SGCZ: variants seen among roughly 807,000 people sequenced by gnomAD.
The protein encoded by SGCZ is sarcoglycan zeta.
In SGCZ, 40 loss-of-function variants were observed where a neutral mutation model predicts 41.3. The ratio of observed to expected loss-of-function variants is 0.97; its 90% CI spans 0.75 to 1.26. SGCZ has a LOEUF of 1.26. SGCZ is among the 50% of genes most tolerant of loss of function. The pLI, the probability that SGCZ is intolerant of heterozygous loss-of-function variation, is 0.00. For missense variants in SGCZ, 552 were observed against 369.8 expected (o/e 1.49, Z -4.04); for synonymous variants, 206 against 137.5 (o/e 1.50, Z -3.49).
intron 1 of SGCZ, among the ~76,000 whole-genome samples, chr8:14,760,273 G>C (rs1162968528): frequency 6.6e-6 from 1 of 152,126 alleles, no homozygotes; most frequent in Non-Finnish European, 1.5e-5. Context: ...CTAAGTAAAT[G>C]AAGAAGAAAA....
rs1456936776 is a variant in SGCZ at position 15,199,325 on chromosome 8, G to A, written c.39+38260C>T. On this transcript the variant is annotated intron_variant, in intron 1 of 7. Coordinates refer to ENST00000382080, the MANE Select transcript of SGCZ (RefSeq NM_139167.4). ...AGCAAAAATCTGAAGCTCACTTTCA[G>A]TCTAGACCATAGAAGCAATTCCCTC... 2.0e-5 allele frequency among the ~76,000 whole-genome samples: 3 copies of A among 152,180 alleles called. No homozygotes were observed. The East Asian group carries it at 5.8e-4, about 29-fold the overall frequency.
At chr8:14,098,446 C>G (rs1205070903) in intron 7 of SGCZ, among the ~76,000 whole-genome samples, 1 of 152,106 alleles carries the variant, frequency 6.6e-6, no homozygotes, top group African/African-American at 2.4e-5. Context: ...GCTCTCTTCT[C>G]CCCAGGGAAT....
At chr8:14,933,075 G>A (rs951647840) in intron 1 of SGCZ, among the ~76,000 whole-genome samples, 2 of 151,872 alleles carry the variant, frequency 1.3e-5, no homozygotes, top group African/African-American at 2.4e-5. Context: ...AGGGGGATGA[G>A]GGCTGAAAAA....
At chr8:15,099,957 C>CA (rs60290285) in intron 1 of SGCZ, among the ~76,000 whole-genome samples, 5 of 151,678 alleles carry the variant, frequency 3.3e-5, no homozygotes, top group African/African-American at 1.2e-4. Flanking sequence ...ACTTCCCTGA[C>CA]AAAAAAAAAA....
At chr8:14,587,408 A>G (rs1585102992) in intron 1 of SGCZ, among the ~76,000 whole-genome samples, 1 of 151,550 alleles carries the variant, frequency 6.6e-6, no homozygotes, top group African/African-American at 2.4e-5. Context: ...GTTGTGGCTC[A>G]CAGATGTAAT....
At chr8:14,547,388 G>A (rs1428446814) in intron 2 of SGCZ, among the ~76,000 whole-genome samples, 1 of 152,106 alleles carries the variant, frequency 6.6e-6, no homozygotes, top group Non-Finnish European at 1.5e-5. Context: ...AATGATGGTT[G>A]ACAGCTAAAC....
At chr8:14,428,117 CACACACACACACACACAT>C (rs1391108904) in intron 2 of SGCZ, among the ~76,000 whole-genome samples, 15 of 116,770 alleles carry the variant, frequency 1.3e-4, no homozygotes, top group African/African-American at 3.6e-4. Flanking sequence ...CACACACACA[CACACACACACACACACAT>C]ATATATATAT....
At chr8:14,474,846 G>A (rs558766408) in intron 2 of SGCZ, among the ~76,000 whole-genome samples, 4 of 152,222 alleles carry the variant, frequency 2.6e-5, no homozygotes, top group Non-Finnish European at 5.9e-5. Context: ...GTCACAGACA[G>A]CTTTAATCTT....
intron 1 of SGCZ, among the ~76,000 whole-genome samples, chr8:14,650,464 C>T (rs1413406059): frequency 6.8e-6 from 1 of 147,860 alleles, no homozygotes; most frequent in African/African-American, 2.4e-5. Context: ...ACTAAGCCTA[C>T]TGCCCAACGG....
chr8:14,679,629 G>C (rs1165376153), intron 1 of SGCZ, among the ~76,000 whole-genome samples: 1 of 151,674 alleles, frequency 6.6e-6, no homozygotes, highest in African/African-American at 2.4e-5. Context: ...GAAATATAAA[G>C]ATTTATAAAT....
At chr8:14,214,899 G>T (rs1283291405) in intron 4 of SGCZ, among the ~76,000 whole-genome samples, 1 of 152,078 alleles carries the variant, frequency 6.6e-6, no homozygotes, top group African/African-American at 2.4e-5. Context: ...AGAAAAAATG[G>T]ATAAATCCAC....
intron 1 of SGCZ, among the ~76,000 whole-genome samples, chr8:14,571,198 C>T (rs934064182): frequency 6.6e-6 from 1 of 152,066 alleles, no homozygotes; most frequent in Non-Finnish European, 1.5e-5. Flanking sequence ...GGGAAACCGC[C>T]ACTTACAGAA....
chr8:15,046,788 A>G lies in SGCZ; in HGVS notation c.39+190797T>C, dbSNP rs200798004. Among the ~76,000 whole-genome samples, 5 of 152,042 alleles carry G rather than the reference A, an allele frequency of 3.3e-5. No individual in the cohort carries two copies. The East Asian group carries it at 9.6e-4, about 29-fold the overall frequency. ...AGATATACAAATGTCTGATGCTAAT[A>G]CTGCCAAAACCAATCTGACGTTATA... is the stretch of plus-strand genomic sequence containing the variant. On this transcript the variant is annotated intron_variant, in intron 1 of 7. Coordinates refer to ENST00000382080, the MANE Select transcript of SGCZ (RefSeq NM_139167.4).
chr8:14,528,063 T>G (rs1314091685), intron 2 of SGCZ, among the ~76,000 whole-genome samples: 3 of 152,090 alleles, frequency 2.0e-5, no homozygotes, highest in African/African-American at 4.8e-5. Flanking sequence ...TCTAATTTCT[T>G]AGTCTCAGCA....
intron 1 of SGCZ, among the ~76,000 whole-genome samples, chr8:14,573,187 G>GTT (rs1804607054): frequency 8.1e-6 from 1 of 123,318 alleles, no homozygotes; most frequent in African/African-American, 3.1e-5. Context: ...TTCTTAGCAA[G>GTT]TCTTTTTTTT....
intron 1 of SGCZ, among the ~76,000 whole-genome samples, chr8:15,006,208 A>C (rs1168255697): frequency 6.6e-6 from 1 of 152,212 alleles, no homozygotes; most frequent in Non-Finnish European, 1.5e-5. Flanking sequence ...TAAAAATAGC[A>C]CTAGACATAC....
intron 1 of SGCZ, among the ~76,000 whole-genome samples, chr8:15,106,714 T>G (rs1390983597): frequency 6.6e-6 from 1 of 152,114 alleles, no homozygotes; most frequent in Non-Finnish European, 1.5e-5. Context: ...AATTCTTAGT[T>G]TGTAATACTT....
In SGCZ at chr8:15,047,797, C is replaced by T. The variant is rs564937852; in HGVS notation, c.39+189788G>A. ...AATTATATAACTTTTATCATCGTAC[C>T]GCAGTTAAAGTGGCTATTATCAAAA... On this transcript the variant is annotated intron_variant, in intron 1 of 7. Coordinates refer to ENST00000382080, the MANE Select transcript of SGCZ (RefSeq NM_139167.4). Among the ~76,000 whole-genome samples, 39 of 151,806 alleles carry T rather than the reference C, an allele frequency of 2.6e-4. No homozygotes were observed. In the South Asian group the frequency reaches 7.1e-3, roughly 28 times the overall value.
Position 14,479,731 on chromosome 8 carries a change from C to CTTTTTTTTTTTTTTTTTTTTTT in SGCZ, c.234+74979_234+75000dup, listed in dbSNP as rs529812029. Among the ~76,000 whole-genome samples the CTTTTTTTTTTTTTTTTTTTTTT allele has an allele frequency of 4.0e-4, 21 of 52,956 alleles. 3 individuals are homozygous for CTTTTTTTTTTTTTTTTTTTTTT. Among genetic ancestry groups the CTTTTTTTTTTTTTTTTTTTTTT allele is most frequent in the African/African-American group, 7.1e-4 (14 of 19,788 alleles). 34.7% of individuals were successfully genotyped at this position (52,956 alleles called of 152,430 possible). A position where few individuals can be genotyped will look rare whatever the true frequency, so the allele number is the denominator to read the frequency against. On this transcript the variant is annotated intron_variant, in intron 2 of 7. Transcript: ENST00000382080. ...GTCGCATACCTCCAGAATTCTACTT[C>CTTTTTTTTTTTTTTTTTTTTTT]TTTTTTTTTTTTTTTTTTTTTTTTT...
Sources: allele counts gnomAD v4.1 joint callset (sites outside exome capture counted in the v4.1 genomes callset), GRCh38; gene constraint gnomAD v4.1.1; transcripts MANE v1.5; gene names NCBI Gene and HGNC (gene_info 2026-07-23, HGNC 2026-07-21).